Variants in MYH10 observed in about 807,000 individuals in gnomAD.
MYH10 encodes myosin heavy chain 10.
A neutral mutation model predicts 257.8 loss-of-function variants in MYH10; 55 were observed. The ratio of observed to expected loss-of-function variants is 0.21; its 90% CI spans 0.17 to 0.27. The LOEUF (loss-of-function observed/expected upper bound fraction) is 0.27, where lower values mean the gene tolerates loss of function less well. MYH10 is among the 10% of genes least tolerant of loss of function. The probability of loss-of-function intolerance (pLI) is 1.00; values close to 1 mark genes in which losing one functional copy is unlikely to be tolerated. For synonymous variants in MYH10, 854 were observed against 921.7 expected, an observed-to-expected ratio of 0.93 and a Z score of 1.33; for missense variants, 1,631 against 2,500.6, an observed-to-expected ratio of 0.65 and a Z score of 7.42.
chr17:8,530,212 G>A (rs1458676605), intron 17 of MYH10, among the ~76,000 whole-genome samples: 1 of 152,174 alleles, frequency 6.6e-6, no homozygotes. Flanking sequence ...ATTCCTCAGA[G>A]TTGAAAATTT....
intron 1 of MYH10, among the ~76,000 whole-genome samples, chr17:8,629,147 A>G (rs902753200): frequency 6.6e-6 from 1 of 152,234 alleles, no homozygotes; most frequent in Non-Finnish European, 1.5e-5. Flanking sequence ...AACAATAAAT[A>G]GATTATAAAG....
In MYH10 at chr17:8,569,992, C is replaced by G. The variant is rs142961649; in HGVS notation, c.664-180G>C. On this transcript the variant is annotated intron_variant, in intron 6 of 42. Transcript: ENST00000360416. This position sits in a 1 kb window ranked among gnomAD's most constrained non-coding sequence, Gnocchi z 4.1. ...TAATCCTGGTTATGATAATGGACTC[C>G]ACTAAAGGAAAAAATTAGCATCTAT... Among the ~76,000 whole-genome samples the G allele has an allele frequency of 1.1e-3, 172 of 152,180 alleles. No homozygotes were observed. Among genetic ancestry groups the G allele is most frequent in the Non-Finnish European group, 1.9e-3 (126 of 68,022 alleles).
At chr17:8,609,237 C>T (rs1408762806) in intron 2 of MYH10, among the ~76,000 whole-genome samples, 1 of 151,792 alleles carries the variant, frequency 6.6e-6, no homozygotes, top group Non-Finnish European at 1.5e-5. Flanking sequence ...CAAATGTCAA[C>T]GCAATGGAGC....
Position 8,557,846 on chromosome 17 carries a change from G to C in MYH10, c.757-3828C>G, listed in dbSNP as rs1310440962. Among the ~76,000 whole-genome samples the C allele has an allele frequency of 2.6e-5, 4 of 152,328 alleles. No homozygotes were observed. In the East Asian group the frequency reaches 5.8e-4, roughly 22 times the overall value. On this transcript the variant is annotated intron_variant, in intron 7 of 42. Coordinates refer to ENST00000360416, the MANE Select transcript of MYH10 (RefSeq NM_001256012.3). ...ACACGTGACAGTGAAAGTCGACAAT[G>C]TAATAAAAGATATGAATTTAGGATT...
chr17:8,497,999 TGAGACA>T (rs1916928676), intron 30 of MYH10, among the ~76,000 whole-genome samples: 1 of 145,776 alleles, frequency 6.9e-6, no homozygotes, highest in Non-Finnish European at 1.5e-5. Context: ...TTTTTTTTTT[TGAGACA>T]GAGTCTTGTT....
At position 8,484,282 on chromosome 17, in the gene MYH10, A is replaced by G. The variant is rs1277438692; in HGVS notation, c.5047-16T>C. 1 of 1,598,652 alleles carries G rather than the reference A, an allele frequency of 6.3e-7. No individual in the cohort carries two copies. The highest frequency in any genetic ancestry group is 1.4e-5 in the African/African-American group (1 of 73,812). On this transcript the variant is annotated splice_polypyrimidine_tract_variant and intron_variant, in intron 36 of 42. Transcript: ENST00000360416. ...TCATCTGAGCCTAAGATTAAATAAG[A>G]AGGTTTTGGGGTGGTTTACATTCTT...
chr17:8,592,933 CTATATATATATA>C (rs71159601), intron 3 of MYH10, among the ~76,000 whole-genome samples: 485 of 44,744 alleles, frequency 0.011, 73 homozygotes, highest in South Asian at 0.027. Context: ...TCAAATCCAG[CTATATATATATA>C]TATATATATA....
chr17:8,509,661 A>G, intron 25 of MYH10, 151 bp downstream of exon 25: 1 of 649,576 alleles, frequency 1.5e-6, no homozygotes, highest in Non-Finnish European at 2.4e-6. Context: ...AGAAATCTAT[A>G]CAAGTAGAGA....
intron 2 of MYH10, among the ~76,000 whole-genome samples, chr17:8,622,522 C>G (rs566726152): frequency 3.3e-5 from 5 of 152,344 alleles, no homozygotes; most frequent in African/African-American, 1.2e-4. Context: ...CCACTTTACT[C>G]TTGGGTATGC....
In MYH10 at chr17:8,477,305, T is replaced by TCTGCAGAAAACCGATGA. The variant is rs1329228499; in HGVS notation, c.5707-258_5707-257insTCATCGGTTTTCTGCAG. On this transcript the variant is annotated intron_variant, in intron 41 of 42. Coordinates refer to ENST00000360416, the MANE Select transcript of MYH10 (RefSeq NM_001256012.3). The surrounding 1 kb of genome is among the most constrained non-coding windows in gnomAD (Gnocchi z 4.2). ...CAAGACTCTGTTTTTACCAGTGAGT[T>TCTGCAGAAAACCGATGA]TTCTGCAGAAAAATGACAGCGTTTA... Among the ~76,000 whole-genome samples, 1 of 152,016 alleles carries TCTGCAGAAAACCGATGA rather than the reference T, an allele frequency of 6.6e-6. No individual in the cohort carries two copies. The highest frequency in any genetic ancestry group is 1.5e-5 in the Non-Finnish European group (1 of 67,986).
intron 4 of MYH10, among the ~76,000 whole-genome samples, chr17:8,585,288 G>GTGTA (rs1282490980): frequency 1.0e-5 from 1 of 99,330 alleles, no homozygotes; most frequent in African/African-American, 3.8e-5. Flanking sequence ...GTGTGTGTGT[G>GTGTA]TATATATATA....
chr17:8,597,377 TCTTA>T (rs1029102182), intron 3 of MYH10, among the ~76,000 whole-genome samples: 6 of 150,922 alleles, frequency 4.0e-5, no homozygotes, highest in South Asian at 2.1e-4. Context: ...ATCATAGGCT[TCTTA>T]CTTATTAATA....
At chr17:8,530,426 T>C (rs963110819) in intron 17 of MYH10, among the ~76,000 whole-genome samples, 197 bp downstream of exon 17, 1 of 152,148 alleles carries the variant, frequency 6.6e-6, no homozygotes, top group African/African-American at 2.4e-5. Flanking sequence ...ACATTTGCCT[T>C]GAAGTATAAT....
chr17:8,594,378 G>C (rs1200099329), intron 3 of MYH10, among the ~76,000 whole-genome samples: 1 of 152,156 alleles, frequency 6.6e-6, no homozygotes, highest in Non-Finnish European at 1.5e-5. Flanking sequence ...ACTACAGTGA[G>C]ATACTACTAC....
At chr17:8,524,815 A>G (rs1482776034) in intron 17 of MYH10, among the ~76,000 whole-genome samples, 1 of 152,188 alleles carries the variant, frequency 6.6e-6, no homozygotes, top group Non-Finnish European at 1.5e-5. Flanking sequence ...AGTTTCTCCC[A>G]CAGCCTGTCG....
At position 8,518,868 on chromosome 17, in the gene MYH10, A is replaced by G; in HGVS notation, c.2343+13T>C. The stretch of plus-strand genomic sequence containing the variant: ...TAAATCTACAAGCCAGAAAAAGATC[A>G]AGAAAACCTTACCATTCGTTCACAG... On this transcript the variant is annotated intron_variant, in intron 20 of 42. Coordinates refer to ENST00000360416, the MANE Select transcript of MYH10 (RefSeq NM_001256012.3). 1 of 1,604,498 alleles carries G rather than the reference A, an allele frequency of 6.2e-7. No individual in the cohort carries two copies.
chr17:8,563,926 A>T (rs2083081622), intron 7 of MYH10, among the ~76,000 whole-genome samples: 1 of 152,100 alleles, frequency 6.6e-6, no homozygotes, highest in African/African-American at 2.4e-5. Flanking sequence ...GAAAGAAAAT[A>T]AAAGGAAAGA....
At chr17:8,593,655 T>C (rs1456043855) in intron 3 of MYH10, among the ~76,000 whole-genome samples, 1 of 152,146 alleles carries the variant, frequency 6.6e-6, no homozygotes, top group Non-Finnish European at 1.5e-5. Flanking sequence ...CATCTCTGTA[T>C]GCTGAAAACT....
At chr17:8,482,188 G>A (rs1366413106) in intron 37 of MYH10, among the ~76,000 whole-genome samples, 1 of 152,230 alleles carries the variant, frequency 6.6e-6, no homozygotes, top group African/African-American at 2.4e-5. Context: ...AAAGTCCCAA[G>A]GTTAGTCAGC....
Sources: gnomAD v4.1 joint callset for allele counts (sites outside exome capture counted in the v4.1 genomes callset) on GRCh38, gnomAD v4.1.1 for gene constraint, Gnocchi (gnomAD v3.1) non-coding constraint, MANE v1.5 for transcripts, NCBI Gene and HGNC (gene_info 2026-07-23, HGNC 2026-07-21) for gene names.